Variants in VTI1A observed in about 807,000 individuals in gnomAD.
VTI1A encodes the protein vesicle transport through interaction with t-SNAREs homolog 1A.
In VTI1A, 22 loss-of-function variants were observed where a neutral mutation model predicts 34.9. The ratio of observed to expected loss-of-function variants is 0.63; its 90% CI spans 0.45 to 0.90. The LOEUF (loss-of-function observed/expected upper bound fraction) is 0.90. Among genes scored for constraint, VTI1A ranks in the 40% least tolerant of loss-of-function variants. VTI1A has a pLI of 0.00. For synonymous variants in VTI1A, 87 were observed against 97.3 expected (o/e 0.89, Z 0.62); for missense variants, 268 against 275.6 (o/e 0.97, Z 0.20).
chr10:112,564,040 C>T (rs1479343086), intron 5 of VTI1A, among the ~76,000 whole-genome samples: 1 of 150,956 alleles, frequency 6.6e-6, no homozygotes, highest in Non-Finnish European at 1.5e-5. Flanking sequence ...AAAATATCTA[C>T]TAAAATGTTG....
the VTI1A span, among the ~76,000 whole-genome samples, chr10:112,851,745 C>G: frequency 0.68 from 102,837 of 152,066 alleles, 35,521 homozygotes; most frequent in Middle Eastern, 0.79. Flanking sequence ...ACTAGGGAGA[C>G]GCATTTGAAC....
At chr10:112,447,539 G>A (rs1846925558) in intron 1 of VTI1A, 72 bp downstream of exon 1, 1 of 1,528,468 alleles carries the variant, frequency 6.5e-7, no homozygotes, top group Non-Finnish European at 8.9e-7. Flanking sequence ...AACGCCGCCC[G>A]AGTAAGTGTG....
intron 5 of VTI1A, among the ~76,000 whole-genome samples, chr10:112,561,569 A>G (rs1259577398): frequency 1.3e-5 from 2 of 152,232 alleles, no homozygotes; most frequent in African/African-American, 4.8e-5. Context: ...ATCAACATGA[A>G]GCTGTAAGCA....
At chr10:112,795,287 AC>A (rs1273370594) in intron 7 of VTI1A, among the ~76,000 whole-genome samples, 1 of 152,206 alleles carries the variant, frequency 6.6e-6, no homozygotes, top group Non-Finnish European at 1.5e-5. Context: ...GAAAATGGGA[AC>A]ATTGACACCT....
the VTI1A span, among the ~76,000 whole-genome samples, chr10:112,853,321 CT>C: frequency 2.0e-5 from 3 of 152,202 alleles, no homozygotes; most frequent in Non-Finnish European, 4.4e-5. Flanking sequence ...TTTCTTGAGT[CT>C]TTAAGAATGA....
At chr10:112,472,321 T>C (rs1317624853) in intron 3 of VTI1A, among the ~76,000 whole-genome samples, 2 of 152,180 alleles carry the variant, frequency 1.3e-5, no homozygotes, top group Non-Finnish European at 2.9e-5. Flanking sequence ...CATCAGAGAA[T>C]GGCACTTCTA....
At chr10:112,464,178 G>A (rs7893418) in intron 2 of VTI1A, among the ~76,000 whole-genome samples, 137,717 of 152,148 alleles carry the variant, frequency 0.91, 63,136 homozygotes, top group African/African-American at 0.97. Context: ...TGGTATTTTT[G>A]GTAGAGATGG....
chr10:112,692,410 A>C (rs1354750962), intron 7 of VTI1A, among the ~76,000 whole-genome samples: 1 of 152,164 alleles, frequency 6.6e-6, no homozygotes, highest in Non-Finnish European at 1.5e-5. Flanking sequence ...CTGCACCTTC[A>C]TGGAAGCACA....
intron 4 of VTI1A, among the ~76,000 whole-genome samples, chr10:112,533,213 C>A (rs532252222): frequency 6.6e-6 from 1 of 151,982 alleles, no homozygotes; most frequent in Non-Finnish European, 1.5e-5. Context: ...AACTTGTTTT[C>A]TTTCTTTATA....
At chr10:112,830,839 A>ATT in the VTI1A span, among the ~76,000 whole-genome samples, 1 of 46,278 alleles carries the variant, frequency 2.2e-5, no homozygotes, top group African/African-American at 8.6e-5. Context: ...ATATATATAT[A>ATT]TATATATATA....
chr10:112,489,169 T>A (rs1848741128), intron 3 of VTI1A, among the ~76,000 whole-genome samples: 1 of 152,162 alleles, frequency 6.6e-6, no homozygotes, highest in South Asian at 2.1e-4. Context: ...GAGTTTCATA[T>A]TGAGGCTGAA....
intron 5 of VTI1A, among the ~76,000 whole-genome samples, chr10:112,585,205 C>T (rs1844097365): frequency 6.6e-6 from 1 of 152,194 alleles, no homozygotes; most frequent in Non-Finnish European, 1.5e-5. Flanking sequence ...AACAGTGTCG[C>T]AGACAGTACG....
chr10:112,591,041 C>T (rs894261840), intron 5 of VTI1A, among the ~76,000 whole-genome samples: 11 of 152,150 alleles, frequency 7.2e-5, no homozygotes, highest in Non-Finnish European at 1.5e-4. Context: ...GCAGAGGTTG[C>T]AGTGAGCCGA....
At chr10:112,529,952 T>G (rs574640670) in intron 4 of VTI1A, among the ~76,000 whole-genome samples, 8 of 152,274 alleles carry the variant, frequency 5.3e-5, no homozygotes, top group African/African-American at 1.9e-4. Flanking sequence ...CTGACTGTAA[T>G]ACATATAATT....
At chr10:112,854,265 TG>T in the VTI1A span, among the ~76,000 whole-genome samples, 2 of 152,264 alleles carry the variant, frequency 1.3e-5, no homozygotes, top group African/African-American at 4.8e-5. Context: ...TGCTGTTTAT[TG>T]CTTCCTGTCA....
rs139358433 is a variant in VTI1A at position 112,805,161 on chromosome 10, C to T, written c.561-10129C>T. Reference sequence around the variant, plus strand: ...AGATTACAGTCGTGAGCCACTGTGCCCAGCCAGTAGCTTTTGGCTTTTAGA... The same window carrying T: ...AGATTACAGTCGTGAGCCACTGTGCTCAGCCAGTAGCTTTTGGCTTTTAGA... On this transcript the variant is annotated intron_variant, in intron 7 of 7. Transcript: ENST00000393077. Among the ~76,000 whole-genome samples the T allele has an allele frequency of 2.4e-3, 369 of 152,170 alleles. 1 individual carries two copies. Among genetic ancestry groups the T allele is most frequent in the African/African-American group, 8.5e-3 (352 of 41,500 alleles).
chr10:112,777,983 T>G (rs986427651), intron 7 of VTI1A, among the ~76,000 whole-genome samples: 6 of 152,034 alleles, frequency 3.9e-5, no homozygotes, highest in African/African-American at 1.5e-4. Flanking sequence ...ATGCATGTAA[T>G]CCCAGCTACT....
chr10:112,583,442 G>A (rs1335550418), intron 5 of VTI1A, among the ~76,000 whole-genome samples: 1 of 152,188 alleles, frequency 6.6e-6, no homozygotes, highest in Non-Finnish European at 1.5e-5. Context: ...GCCTTTGTTT[G>A]TGGCTGCATT....
In VTI1A at chr10:112,732,949, A is replaced by G. The variant is rs1241214823; in HGVS notation, c.560+63951A>G. Among the ~76,000 whole-genome samples, 6 of 152,204 alleles carry G rather than the reference A, an allele frequency of 3.9e-5. No homozygotes were observed. In the East Asian group the frequency reaches 1.2e-3, roughly 29 times the overall value. On this transcript the variant is annotated intron_variant, in intron 7 of 7. Coordinates refer to ENST00000393077, the MANE Select transcript of VTI1A (RefSeq NM_145206.4). ...GGTGGATGGTCCCCAAGAAGAGAAC[A>G]TACCTCCAATTCCAAGGCTATCAGC...
Sources: gnomAD v4.1 joint callset for allele counts (sites outside exome capture counted in the v4.1 genomes callset) on GRCh38, gnomAD v4.1.1 for gene constraint, MANE v1.5 for transcripts, NCBI Gene and HGNC (gene_info 2026-07-23, HGNC 2026-07-21) for gene names.